The following PFKFB3 variants were observed in gnomAD, a reference collection of about 807,000 sequenced individuals.
The protein encoded by PFKFB3 is 6-phosphofructo-2-kinase/fructose-2,6-bisphosphatase 3.
PFKFB3 carries 33 observed loss-of-function variants against 68.0 expected under a neutral mutation model. That is an observed-to-expected ratio of 0.49 (90% CI 0.37 to 0.65). The LOEUF (loss-of-function observed/expected upper bound fraction) is 0.65, where lower values mean the gene tolerates loss of function less well. PFKFB3 is among the 30% of genes least tolerant of loss of function. PFKFB3 has a pLI of 0.00. For missense variants in PFKFB3, 586 were observed against 712.2 expected, an observed-to-expected ratio of 0.82 and a Z score of 2.02; for synonymous variants, 315 against 288.2, an observed-to-expected ratio of 1.09 and a Z score of -0.94.
chr10:6,225,339 T>A, intron 13 of PFKFB3: 1 of 400,248 alleles, frequency 2.5e-6, no homozygotes. Context: ...GCCTGGCTGG[T>A]GGGCTGACCT....
chr10:6,226,388 C>G (rs1377110295), intron 14 of PFKFB3, 23 bp downstream of exon 14: 1 of 1,583,044 alleles, frequency 6.3e-7, no homozygotes, highest in African/African-American at 1.4e-5. Flanking sequence ...CCCTTTCCTT[C>G]CTGCCTGGGG....
chr10:6,314,247 C>T, the PFKFB3 span, among the ~76,000 whole-genome samples: 85,544 of 152,056 alleles, frequency 0.56, 25,089 homozygotes, highest in Non-Finnish European at 0.65. Flanking sequence ...TGGTCCAGCA[C>T]GATTCTAGGG....
chr10:6,223,910 C>A (rs376500790), intron 11 of PFKFB3, 48 bp from the exon 12 acceptor site: 248 of 1,552,582 alleles, frequency 1.6e-4, no homozygotes, highest in Non-Finnish European at 2.1e-4. Flanking sequence ...AGCCACCACG[C>A]CTGGCCGTGT....
chr10:6,231,207 C>CTT (rs35890201), intron 14 of PFKFB3: 2,245 of 1,002,772 alleles, frequency 2.2e-3, no homozygotes, highest in Non-Finnish European at 2.8e-3. Flanking sequence ...TAAAGATTTT[C>CTT]TTTTTTTTTT....
the PFKFB3 span, among the ~76,000 whole-genome samples, chr10:6,262,490 G>A: frequency 1.4e-5 from 2 of 146,016 alleles, no homozygotes; most frequent in Non-Finnish European, 3.0e-5. Context: ...GCTGTCTTTG[G>A]ATATTTTCAA....
chr10:6,192,248 C>T (rs149176081), intron 1 of PFKFB3, among the ~76,000 whole-genome samples: 1 of 151,132 alleles, frequency 6.6e-6, no homozygotes, highest in Non-Finnish European at 1.5e-5. Context: ...GATGACAGAC[C>T]GTCCCATTCT....
At chr10:6,264,063 A>C in the PFKFB3 span, among the ~76,000 whole-genome samples, 1 of 152,238 alleles carries the variant, frequency 6.6e-6, no homozygotes, top group Non-Finnish European at 1.5e-5. Flanking sequence ...GTCTTTGTGA[A>C]TGATGACAAG....
At chr10:6,238,110 A>G (rs1331053183), downstream of PFKFB3, among the ~76,000 whole-genome samples, 9 of 152,112 alleles carry the variant, frequency 5.9e-5, no homozygotes, top group East Asian at 1.9e-4. Context: ...CCTTGGGACT[A>G]AAGAGGACCC....
intron 1 of PFKFB3, among the ~76,000 whole-genome samples, chr10:6,171,587 C>T (rs2131745122): frequency 6.6e-6 from 1 of 152,046 alleles, no homozygotes; most frequent in South Asian, 2.1e-4. Flanking sequence ...GAGATGAGGT[C>T]CCTCTGTGTT....
Position 6,215,989 on chromosome 10 carries a change from G to C in PFKFB3, c.300-136G>C. ...AAGCCTCTGGGCCTGAGGGGTGCTG[G>C]CCAGCCTGCCCAGCGCTAAGCAGTG... On this transcript the variant is annotated intron_variant, in intron 3 of 14. Transcript: ENST00000379775. The surrounding 1 kb of genome is among the most constrained non-coding windows in gnomAD (Gnocchi z 4.3). The C allele has an allele frequency of 2.3e-6, 2 of 858,604 alleles. No homozygotes were observed. The highest frequency in any genetic ancestry group is 3.8e-6 in the Non-Finnish European group (2 of 522,078). The allele number at this position is 858,604 out of a possible 1,614,324, so 53.2% of individuals were successfully genotyped here. A position where few individuals can be genotyped will look rare whatever the true frequency, so the allele number is the denominator to read the frequency against.
chr10:6,219,446 G>C, intron 6 of PFKFB3, 123 bp from the exon 7 acceptor site: 1 of 1,028,730 alleles, frequency 9.7e-7, no homozygotes, highest in South Asian at 1.3e-5. Flanking sequence ...CTTACACGCT[G>C]GGCCGGATAA....
downstream of PFKFB3, among the ~76,000 whole-genome samples, chr10:6,236,208 A>G (rs548068688): frequency 5.3e-5 from 8 of 152,232 alleles, no homozygotes; most frequent in East Asian, 7.7e-4. Flanking sequence ...GGCTTCTTCC[A>G]TGTTTCTGCA....
chr10:6,224,963 C>T (rs1313110038), intron 13 of PFKFB3, among the ~76,000 whole-genome samples: 7 of 89,468 alleles, frequency 7.8e-5, no homozygotes, highest in Middle Eastern at 6.2e-3. Flanking sequence ...AGACGGGAGG[C>T]GTGGAGAGCA....
the PFKFB3 span, among the ~76,000 whole-genome samples, chr10:6,313,986 G>A: frequency 1.3e-5 from 2 of 152,236 alleles, no homozygotes; most frequent in Non-Finnish European, 2.9e-5. The surrounding 1 kb of genome is among the most constrained non-coding windows in gnomAD (Gnocchi z 4.2). Flanking sequence ...GACAGGTATG[G>A]GTGAGGATAC....
the PFKFB3 span, among the ~76,000 whole-genome samples, chr10:6,304,997 T>C: frequency 1.6e-5 from 2 of 127,216 alleles, no homozygotes; most frequent in Non-Finnish European, 3.2e-5. Flanking sequence ...AAATTAAAAA[T>C]ATTAGGAATT....
the PFKFB3 span, among the ~76,000 whole-genome samples, chr10:6,287,334 C>G: frequency 6.6e-6 from 1 of 152,160 alleles, no homozygotes; most frequent in African/African-American, 2.4e-5. Flanking sequence ...AAGTGACCTG[C>G]CTGCCCGGGC....
At chr10:6,264,474 T>A in the PFKFB3 span, among the ~76,000 whole-genome samples, 68 of 152,374 alleles carry the variant, frequency 4.5e-4, no homozygotes, top group African/African-American at 1.6e-3. Context: ...TCTAAGAATA[T>A]GGCTTATTCC....
intron 14 of PFKFB3, among the ~76,000 whole-genome samples, chr10:6,253,353 G>A (rs769874725): frequency 3.4e-4 from 51 of 152,212 alleles, no homozygotes; most frequent in Non-Finnish European, 5.7e-4. Flanking sequence ...AAGCTTGGCT[G>A]CCTTTTGAAG....
In PFKFB3 at chr10:6,225,187, G is replaced by A. The variant is rs934835685; in HGVS notation, c.1341+974G>A. 1.7e-4 allele frequency: 78 copies of A among 456,304 alleles called. 1 individual carries two copies. Among genetic ancestry groups the A allele is most frequent in the African/African-American group, 1.3e-3 (65 of 50,200 alleles). The allele number at this position is 456,304 out of a possible 1,614,324, so 28.3% of individuals were successfully genotyped here. On this transcript the variant is annotated intron_variant, in intron 13 of 14. Transcript: ENST00000379775. ...CTGCCAAAAGTACAACACTGTGCTA[G>A]TACTAGTCAGACCTTTCTCTTAGAC...
Sources: allele counts gnomAD v4.1 joint callset (sites outside exome capture counted in the v4.1 genomes callset), GRCh38; gene constraint gnomAD v4.1.1; non-coding constraint Gnocchi (gnomAD v3.1); transcripts MANE v1.5; gene names NCBI Gene and HGNC (gene_info 2026-07-23, HGNC 2026-07-21).